Variants in OSBPL3 observed in about 807,000 individuals in gnomAD.
OSBPL3 encodes the protein oxysterol-binding protein-related protein 3.
OSBPL3 carries 65 observed loss-of-function variants against 120.1 expected under a neutral mutation model. The ratio of observed to expected loss-of-function variants is 0.54; its 90% confidence interval spans 0.44 to 0.67. OSBPL3 has a LOEUF of 0.67. Among genes scored for constraint, OSBPL3 ranks in the 30% least tolerant of loss-of-function variants. The pLI is 0.00. For missense variants in OSBPL3, 1,004 were observed against 1,082.1 expected, an observed-to-expected ratio of 0.93 and a Z score of 1.01; for synonymous variants, 416 against 402.6, an observed-to-expected ratio of 1.03 and a Z score of -0.40.
chr7:24,871,770 A>G lies in OSBPL3; in HGVS notation c.239T>C (p.Ile80Thr), dbSNP rs1802149906. 1 of 1,613,394 alleles carries G rather than the reference A, an allele frequency of 6.2e-7. No homozygotes were observed. The highest frequency in any genetic ancestry group is 8.5e-7 in the Non-Finnish European group (1 of 1,179,334). The change falls in exon 4 of 23, where the codon ATC becomes ACC. Residue 80 changes from isoleucine (I) to threonine (T), a missense_variant. Physicochemically the swap from Ile to Thr is moderately conservative, Grantham distance 89. This residue lies in a region of OSBPL3 where 255 missense variants were observed against 248.7 expected (regional missense o/e 1.03). Coordinates refer to ENST00000313367, the MANE Select transcript of OSBPL3 (RefSeq NM_015550.4). The surrounding 1 kb of genome is among the most constrained non-coding windows in gnomAD (Gnocchi z 4.8). ...HKRFFYLDKG[I>T]LKYAKSQTDI... The stretch of plus-strand genomic sequence containing the variant: ...GGTTTGGCTCTTGGCATATTTCAAG[A>G]TTCCTTTGTCCAGATAGAAGAATCT...
chr7:24,833,098 A>C lies in OSBPL3; in HGVS notation c.1746+1388T>G, dbSNP rs1796590223. The stretch of plus-strand genomic sequence containing the variant: ...CACTTGCTTAGAAGCTATTTCTAGA[A>C]GATTTGCCTTCCTTTTATTCAGCAA... On this transcript the variant is annotated intron_variant, in intron 15 of 22. Transcript: ENST00000313367. The surrounding 1 kb of genome is among the most constrained non-coding windows in gnomAD (Gnocchi z 4.4). Among the ~76,000 whole-genome samples, 1 of 152,256 alleles carries C rather than the reference A, an allele frequency of 6.6e-6. No individual in the cohort carries two copies. The highest frequency in any genetic ancestry group is 1.9e-4 in the East Asian group (1 of 5,208).
chr7:24,937,274 C>T lies in OSBPL3; in HGVS notation c.-150+42612G>A, dbSNP rs1284900449. Among the ~76,000 whole-genome samples, 1 of 152,148 alleles carries T rather than the reference C, an allele frequency of 6.6e-6. No individual in the cohort carries two copies. Among genetic ancestry groups the T allele is most frequent in the Admixed American group, 6.5e-5 (1 of 15,274 alleles). On this transcript the variant is annotated intron_variant, in intron 1 of 22. Transcript: ENST00000313367. This position sits in a 1 kb window ranked among gnomAD's most constrained non-coding sequence, Gnocchi z 4.0. ...ATAATTCAATTTTCTCCCACCAGGT[C>T]CCTCCCACAACACGTGGGGATTATG...
At chr7:24,814,637 T>C (rs907092147) in intron 19 of OSBPL3, among the ~76,000 whole-genome samples, 1 of 152,154 alleles carries the variant, frequency 6.6e-6, no homozygotes, top group African/African-American at 2.4e-5. Context: ...TCAACACTAA[T>C]TCCCCCTTCC....
intron 12 of OSBPL3, among the ~76,000 whole-genome samples, chr7:24,844,665 T>C (rs1798185126): frequency 6.6e-6 from 1 of 152,168 alleles, no homozygotes; most frequent in African/African-American, 2.4e-5. Flanking sequence ...CAAGATAGTT[T>C]TTTTTCAAAA....
chr7:24,951,765 T>C lies in OSBPL3; in HGVS notation c.-150+28121A>G, dbSNP rs1362031697. On this transcript the variant is annotated intron_variant, in intron 1 of 22. Transcript: ENST00000313367. ...AACCTGTATTAATGATCCTCATAGC[T>C]TGCAAGAAAAACTATTAATTTCAGT... is the stretch of plus-strand genomic sequence containing the variant. 2.0e-5 allele frequency among the ~76,000 whole-genome samples: 3 copies of C among 152,200 alleles called. No individual in the cohort carries two copies. The East Asian group carries it at 5.8e-4, about 29-fold the overall frequency.
chr7:24,875,095 T>A (rs1009116442), intron 2 of OSBPL3, among the ~76,000 whole-genome samples: 1 of 152,224 alleles, frequency 6.6e-6, no homozygotes, highest in Non-Finnish European at 1.5e-5. Context: ...CCCCAAAGAC[T>A]TCCCAAAGTG....
intron 1 of OSBPL3, among the ~76,000 whole-genome samples, chr7:24,970,998 C>T (rs1319380562): frequency 6.6e-6 from 1 of 152,206 alleles, no homozygotes; most frequent in Non-Finnish European, 1.5e-5. Context: ...CCAAAAGTCT[C>T]ATGGACAAGA....
At chr7:24,957,776 G>A (rs1815248390) in intron 1 of OSBPL3, among the ~76,000 whole-genome samples, 1 of 152,056 alleles carries the variant, frequency 6.6e-6, no homozygotes, top group African/African-American at 2.4e-5. Flanking sequence ...CTAAAAAACA[G>A]ACTAGAATTC....
At chr7:24,978,195 C>T (rs971486001) in intron 1 of OSBPL3, among the ~76,000 whole-genome samples, 1 of 152,108 alleles carries the variant, frequency 6.6e-6, no homozygotes, top group Non-Finnish European at 1.5e-5. Context: ...AAGTTTAATG[C>T]GGTAATGTAC....
chr7:24,911,526 A>G (rs1416830715), intron 1 of OSBPL3, among the ~76,000 whole-genome samples: 3 of 152,202 alleles, frequency 2.0e-5, no homozygotes, highest in Non-Finnish European at 4.4e-5. Context: ...CTCTCAAATA[A>G]CAAGAAACAA....
rs372449296 is a variant in OSBPL3 at position 24,872,523 on chromosome 7, G to A, written c.97-454C>T. ...AAGGAAGTTGGTTTAAGAATTGGCT[G>A]AACAGTATGAGACAATGCAAATCAG... On this transcript the variant is annotated intron_variant, in intron 2 of 22. Transcript: ENST00000313367. The surrounding 1 kb of genome is among the most constrained non-coding windows in gnomAD (Gnocchi z 4.1). Among the ~76,000 whole-genome samples the A allele has an allele frequency of 6.6e-6, 1 of 150,686 alleles. No homozygotes were observed. Among genetic ancestry groups the A allele is most frequent in the East Asian group, 1.9e-4 (1 of 5,148 alleles).
rs1812050927 is a variant in OSBPL3 at position 24,933,602 on chromosome 7, C to T, written c.-149-40981G>A. Among the ~76,000 whole-genome samples the T allele has an allele frequency of 6.6e-6, 1 of 152,190 alleles. No homozygotes were observed. Among genetic ancestry groups the T allele is most frequent in the African/African-American group, 2.4e-5 (1 of 41,440 alleles). On this transcript the variant is annotated intron_variant, in intron 1 of 22. Coordinates refer to ENST00000313367, the MANE Select transcript of OSBPL3 (RefSeq NM_015550.4). The surrounding 1 kb of genome is among the most constrained non-coding windows in gnomAD (Gnocchi z 5.1). ...ATCATTAATATTTCCGATTATGCTT[C>T]CATTCCCAAGAAAAACTAGTAATTG...
chr7:24,898,892 A>C lies in OSBPL3; in HGVS notation c.-149-6271T>G, dbSNP rs1806569578. Reference sequence around the variant, plus strand: ...TGACAGAAACAAGGCACTTCATTTCACCTTTTTAAAAATCTATTCTAGACA... The same window carrying C: ...TGACAGAAACAAGGCACTTCATTTCCCCTTTTTAAAAATCTATTCTAGACA... On this transcript the variant is annotated intron_variant, in intron 1 of 22. Transcript: ENST00000313367. This position sits in a 1 kb window ranked among gnomAD's most constrained non-coding sequence, Gnocchi z 4.3. Among the ~76,000 whole-genome samples the C allele has an allele frequency of 6.6e-6, 1 of 152,166 alleles. No homozygotes were observed. Among genetic ancestry groups the C allele is most frequent in the Non-Finnish European group, 1.5e-5 (1 of 68,032 alleles).
rs1248445662 is a variant in OSBPL3, at chr7:24,852,224, C to A, written c.1158+280G>T. On this transcript the variant is annotated intron_variant, in intron 11 of 22. Coordinates refer to ENST00000313367, the MANE Select transcript of OSBPL3 (RefSeq NM_015550.4). The surrounding 1 kb of genome is among the most constrained non-coding windows in gnomAD (Gnocchi z 4.1). ...TCTGTAAGACACGCACACATACACACAAAAACGTACAATAAAAATGTTAGA... is the reference window on the plus strand; with the variant it reads ...TCTGTAAGACACGCACACATACACAAAAAAACGTACAATAAAAATGTTAGA... Among the ~76,000 whole-genome samples the A allele has an allele frequency of 6.6e-6, 1 of 151,992 alleles. No homozygotes were observed. The highest frequency in any genetic ancestry group is 1.5e-5 in the Non-Finnish European group (1 of 68,006).
At position 24,967,053 on chromosome 7, in the gene OSBPL3, CCT is replaced by C. The variant is rs938972477; in HGVS notation, c.-150+12831_-150+12832del. Among the ~76,000 whole-genome samples the C allele has an allele frequency of 5.9e-5, 9 of 152,188 alleles. No individual in the cohort carries two copies. Reference sequence around the variant, plus strand: ...TGAATTTGCATGAGCCATCACAATGCCTGTTTGCAGACACTCTAAATCTGTAT... The same window carrying C: ...TGAATTTGCATGAGCCATCACAATGCGTTTGCAGACACTCTAAATCTGTAT... On this transcript the variant is annotated intron_variant, in intron 1 of 22. Coordinates refer to ENST00000313367, the MANE Select transcript of OSBPL3 (RefSeq NM_015550.4). The surrounding 1 kb of genome is among the most constrained non-coding windows in gnomAD (Gnocchi z 5.6).
Position 24,842,286 on chromosome 7 carries a change from T to C in OSBPL3, c.1394A>G (p.Glu465Gly), listed in dbSNP as rs1489529300. ...QEVLLSPSSS[E>G]NEISDDDSYV... Reference sequence around the variant, plus strand: ...TGTAAACATTGCTCAAACCTCGTTTTCTGAAGAGCTTGGAGATAACAGAAC... The same window carrying C: ...TGTAAACATTGCTCAAACCTCGTTTCCTGAAGAGCTTGGAGATAACAGAAC... The change falls in exon 13 of 23, where the codon GAA becomes GGA. Residue 465 changes from glutamate to glycine, a missense_variant. This residue lies in a region of OSBPL3 where 473 missense variants were observed against 568.0 expected (regional missense o/e 0.83). Coordinates refer to ENST00000313367, the MANE Select transcript of OSBPL3 (RefSeq NM_015550.4). 6.2e-7 allele frequency: 1 copy of C among 1,613,102 alleles called. No homozygotes were observed. The highest frequency in any genetic ancestry group is 2.2e-5 in the East Asian group (1 of 44,854).
At chr7:24,889,930 T>C (rs947789640) in intron 2 of OSBPL3, among the ~76,000 whole-genome samples, 4 of 152,174 alleles carry the variant, frequency 2.6e-5, no homozygotes, top group African/African-American at 9.7e-5. Context: ...ATCATCATCA[T>C]GGAACAGAAG....
In OSBPL3 at chr7:24,855,194, G is replaced by A. The variant is rs1799683954; in HGVS notation, c.1028-2560C>T. 6.6e-6 allele frequency among the ~76,000 whole-genome samples: 1 copy of A among 152,086 alleles called. No individual in the cohort carries two copies. Among genetic ancestry groups the A allele is most frequent in the African/African-American group, 2.4e-5 (1 of 41,412 alleles). On this transcript the variant is annotated intron_variant, in intron 10 of 22. Transcript: ENST00000313367. This position sits in a 1 kb window ranked among gnomAD's most constrained non-coding sequence, Gnocchi z 4.3. ...TAGGCACTATGCCCCTCCCCTGCCT[G>A]CCACACACACAGGATGCCCATGGCC...
chr7:24,946,491 A>G lies in OSBPL3; in HGVS notation c.-150+33395T>C, dbSNP rs1483883396. ...ATTAGTTAAAAAAATGTGTTTAGGTAGAAGACTATATTTTAGATATGAGAC... is the reference window on the plus strand; with the variant it reads ...ATTAGTTAAAAAAATGTGTTTAGGTGGAAGACTATATTTTAGATATGAGAC... On this transcript the variant is annotated intron_variant, in intron 1 of 22. Transcript: ENST00000313367. The surrounding 1 kb of genome is among the most constrained non-coding windows in gnomAD (Gnocchi z 4.3). Among the ~76,000 whole-genome samples the G allele has an allele frequency of 2.0e-5, 3 of 152,206 alleles. No individual in the cohort carries two copies. The highest frequency in any genetic ancestry group is 6.5e-5 in the Admixed American group (1 of 15,282).
Sources: gnomAD v4.1 joint callset for allele counts (sites outside exome capture counted in the v4.1 genomes callset) on GRCh38, gnomAD v4.1.1 for gene constraint, gnomAD v4.1.1 regional missense constraint, Gnocchi (gnomAD v3.1) non-coding constraint, MANE v1.5 for transcripts, NCBI Gene and HGNC (gene_info 2026-07-23, HGNC 2026-07-21) for gene names.